The following CEP83 variants were observed in gnomAD, a reference collection of about 807,000 sequenced individuals.
The protein encoded by CEP83 is centrosomal protein 83, also known as centrosomal protein of 83 kDa.
Under a neutral mutation model 101.9 loss-of-function variants are expected in CEP83, and 70 were observed. That is an observed-to-expected ratio of 0.69 (90% CI 0.57 to 0.84). The LOEUF (loss-of-function observed/expected upper bound fraction) is 0.84. CEP83 is among the 40% of genes least tolerant of loss of function. The pLI is 0.00. For synonymous variants in CEP83, 264 were observed against 267.9 expected (o/e 0.99, Z 0.14); for missense variants, 715 against 787.2 (o/e 0.91, Z 1.10).
At chr12:94,287,210 G>A in the CEP83 span, among the ~76,000 whole-genome samples, 1 of 152,200 alleles carries the variant, frequency 6.6e-6, no homozygotes, top group African/African-American at 2.4e-5. Context: ...AGGGTTAAGC[G>A]TGTCTTTACA....
At chr12:94,400,015 C>G (rs932383950) in intron 6 of CEP83, among the ~76,000 whole-genome samples, 11 of 151,944 alleles carry the variant, frequency 7.2e-5, no homozygotes, top group African/African-American at 2.7e-4. Flanking sequence ...TTATTAGATG[C>G]CTAGAACACT....
chr12:94,279,501 G>A, the CEP83 span: 190,434 of 1,612,874 alleles, frequency 0.12, 12,302 homozygotes, highest in Admixed American at 0.2. Flanking sequence ...AAAAAATCCC[G>A]GAAAACGAGA....
At chr12:94,303,795 C>T (rs1565877431), downstream of CEP83, 8 of 1,607,660 alleles carry the variant, frequency 5.0e-6, no homozygotes, top group Non-Finnish European at 6.8e-6. Flanking sequence ...CAAGGATATC[C>T]CAACCTACAA....
chr12:94,308,555 A>G lies in CEP83; in HGVS notation c.*258T>C, dbSNP rs192849249. 58 of 267,000 alleles carry G rather than the reference A, an allele frequency of 2.2e-4. No individual in the cohort carries two copies. The highest frequency in any genetic ancestry group is 1.1e-3 in the African/African-American group (50 of 44,734). The allele number at this position is 267,000 out of a possible 1,614,324, so 16.5% of individuals were successfully genotyped here. A position where few individuals can be genotyped will look rare whatever the true frequency, so the allele number is the denominator to read the frequency against. On this transcript the variant is annotated 3_prime_UTR_variant, in exon 17 of 17. Coordinates refer to ENST00000397809, the MANE Select transcript of CEP83 (RefSeq NM_016122.3). The stretch of plus-strand genomic sequence containing the variant: ...AAAATTTTAAAACTTGACTCTAACT[A>G]GTTCCTTTTTGTTTTACATTCTCAA...
chr12:94,436,912 A>G (rs2066034066), intron 1 of CEP83, among the ~76,000 whole-genome samples: 1 of 152,014 alleles, frequency 6.6e-6, no homozygotes, highest in Non-Finnish European at 1.5e-5. Flanking sequence ...GCCTCCAAGA[A>G]ACTTGGGACG....
In CEP83 at chr12:94,310,084, T is replaced by G. The variant is rs1969611256; in HGVS notation, c.1835A>C (p.Tyr612Ser). 1 of 1,580,046 alleles carries G rather than the reference T, an allele frequency of 6.3e-7. No individual in the cohort carries two copies. The highest frequency in any genetic ancestry group is 1.1e-5 in the South Asian group (1 of 88,966). Reference protein sequence around the residue: ...LNRQNVPFEDYTRLQKRLKDI... With the variant: ...LNRQNVPFEDSTRLQKRLKDI... ...TTTTAGTCTTTTTTGAAGCCTTGTATAGTCTTCAAAAGGAACATTTTGTCT... is the reference window on the plus strand; with the variant it reads ...TTTTAGTCTTTTTTGAAGCCTTGTAGAGTCTTCAAAAGGAACATTTTGTCT... Residue 612 changes from tyrosine to serine, a missense_variant, in exon 16 of 17, where the codon TAT (tyrosine) becomes TCT (serine). Tyr to Ser is a moderately radical substitution (Grantham distance 144, BLOSUM62 -2). Coordinates refer to ENST00000397809, the MANE Select transcript of CEP83 (RefSeq NM_016122.3).
At chr12:94,423,083 A>G (rs1034021353) in intron 2 of CEP83, among the ~76,000 whole-genome samples, 1 of 151,848 alleles carries the variant, frequency 6.6e-6, no homozygotes, top group African/African-American at 2.4e-5. Context: ...AAAACATATG[A>G]GAATTTTTTT....
chr12:94,364,629 A>G (rs1180533815), intron 11 of CEP83, among the ~76,000 whole-genome samples: 2 of 152,168 alleles, frequency 1.3e-5, no homozygotes, highest in Non-Finnish European at 2.9e-5. Context: ...GTCTCTAAAT[A>G]AAAATTAAAA....
At chr12:94,443,109 A>G (rs1435678116) in intron 1 of CEP83, among the ~76,000 whole-genome samples, 2 of 151,232 alleles carry the variant, frequency 1.3e-5, no homozygotes, top group African/African-American at 2.4e-5. Flanking sequence ...TTTCCCAGCT[A>G]AACTCACAGC....
intron 1 of CEP83, among the ~76,000 whole-genome samples, chr12:94,450,272 G>A (rs1481513788): frequency 6.6e-6 from 1 of 151,908 alleles, no homozygotes; most frequent in African/African-American, 2.4e-5. Flanking sequence ...TTTTTTTTTA[G>A]ACAGATTCTC....
rs752627503 is a variant in CEP83 at position 94,333,590 on chromosome 12, T to A, written c.1469A>T (p.Asn490Ile). ...IQVTSLAQSENDLLNSNQMLK... is the reference protein window; with the variant it reads ...IQVTSLAQSEIDLLNSNQMLK... ...CATTTGGTTTGAATTCAGCAAGTCA[T>A]TCTCTGACTGTGCAAGTGAAGTCAC... The change falls in exon 13 of 17, where the codon AAT becomes ATT. Residue 490 changes from asparagine to isoleucine, a missense_variant. Asn to Ile is a moderately radical substitution (Grantham distance 149, BLOSUM62 -3). Transcript: ENST00000397809. The A allele has an allele frequency of 1.2e-6, 2 of 1,613,790 alleles. No homozygotes were observed. The highest frequency in any genetic ancestry group is 3.3e-5 in the Admixed American group (2 of 60,002).
chr12:94,320,119 A>G (rs1483763433), intron 14 of CEP83, among the ~76,000 whole-genome samples: 1 of 151,772 alleles, frequency 6.6e-6, no homozygotes, highest in East Asian at 1.9e-4. Flanking sequence ...GTCTTTTTTG[A>G]TTTTTGTTGG....
rs187096182 is a variant in CEP83 at position 94,416,274 on chromosome 12, T to C, written c.-101-3683A>G. On this transcript the variant is annotated intron_variant, in intron 2 of 16. Coordinates refer to ENST00000397809, the MANE Select transcript of CEP83 (RefSeq NM_016122.3). Reference sequence around the variant, plus strand: ...ACTAAGAGTCCTGGATTTAGGTATATGACAAACGTAAGACTCTGAATAATG... The same window carrying C: ...ACTAAGAGTCCTGGATTTAGGTATACGACAAACGTAAGACTCTGAATAATG... Among the ~76,000 whole-genome samples, 328 of 152,280 alleles carry C rather than the reference T, an allele frequency of 2.2e-3. 1 individual carries two copies. The highest frequency in any genetic ancestry group is 7.4e-3 in the African/African-American group (307 of 41,558).
chr12:94,355,350 A>C (rs1274312246), intron 11 of CEP83, among the ~76,000 whole-genome samples: 6 of 152,040 alleles, frequency 3.9e-5, no homozygotes, highest in Non-Finnish European at 7.4e-5. Context: ...AAAATTAGCC[A>C]GGCATGGTGG....
At position 94,385,089 on chromosome 12, in the gene CEP83, G is replaced by A. The variant is rs1010527673; in HGVS notation, c.550-6047C>T. On this transcript the variant is annotated intron_variant, in intron 6 of 16. Transcript: ENST00000397809. Reference sequence around the variant, plus strand: ...GGTGTTGCCACCTCATTACTACCACGAGGAGGTAGTAGTCCCGATTCTCCA... The same window carrying A: ...GGTGTTGCCACCTCATTACTACCACAAGGAGGTAGTAGTCCCGATTCTCCA... Among the ~76,000 whole-genome samples, 6 of 152,220 alleles carry A rather than the reference G, an allele frequency of 3.9e-5. No homozygotes were observed. In the East Asian group the frequency reaches 5.8e-4, roughly 15 times the overall value.
the CEP83 span, chr12:94,278,011 G>A: frequency 2.2e-6 from 1 of 456,008 alleles, no homozygotes; most frequent in Non-Finnish European, 4.4e-6. Context: ...TATATACCTG[G>A]CTAGTGTCCA....
chr12:94,399,297 T>C (rs1232555083), intron 6 of CEP83, among the ~76,000 whole-genome samples: 1 of 152,240 alleles, frequency 6.6e-6, no homozygotes, highest in African/African-American at 2.4e-5. Context: ...CTCTTTGTAC[T>C]CTTTATTTCT....
intron 1 of CEP83, among the ~76,000 whole-genome samples, chr12:94,437,860 G>A (rs1355817554): frequency 6.6e-6 from 1 of 152,180 alleles, no homozygotes; most frequent in Non-Finnish European, 1.5e-5. Flanking sequence ...CTAGTATGAT[G>A]AATAAAATAG....
intron 7 of CEP83, among the ~76,000 whole-genome samples, chr12:94,377,465 T>G (rs1425630087): frequency 6.6e-6 from 1 of 152,070 alleles, no homozygotes; most frequent in Non-Finnish European, 1.5e-5. Context: ...CCACCTTAAG[T>G]TGGGGAACAT....
Sources: allele counts gnomAD v4.1 joint callset (sites outside exome capture counted in the v4.1 genomes callset), GRCh38; gene constraint gnomAD v4.1.1; transcripts MANE v1.5; gene names NCBI Gene and HGNC (gene_info 2026-07-23, HGNC 2026-07-21).